Variants in NFAT5 observed in about 807,000 individuals in gnomAD.
NFAT5 encodes nuclear factor of activated T-cells 5.
In NFAT5, 31 loss-of-function variants were observed where a neutral mutation model predicts 166.5. The ratio of observed to expected loss-of-function variants is 0.19; its 90% CI spans 0.14 to 0.25. The LOEUF (loss-of-function observed/expected upper bound fraction) is 0.25. NFAT5 is among the 10% of genes least tolerant of loss of function. The pLI is 1.00. For missense variants in NFAT5, 1,449 were observed against 1,821.8 expected (o/e 0.80, Z 3.72); for synonymous variants, 612 against 639.7 (o/e 0.96, Z 0.65).
chr16:69,643,825 A>G (rs148926710), intron 3 of NFAT5, among the ~76,000 whole-genome samples: 1 of 152,286 alleles, frequency 6.6e-6, no homozygotes, highest in Non-Finnish European at 1.5e-5. Context: ...GATGAGAAAG[A>G]TATTGTCAGT....
At position 69,624,990 on chromosome 16, in the gene NFAT5, C is replaced by G. The variant is rs190078056; in HGVS notation, c.128-1413C>G. 6.1e-4 allele frequency among the ~76,000 whole-genome samples: 92 copies of G among 151,924 alleles called. No individual in the cohort carries two copies. In the East Asian group the frequency reaches 0.013, roughly 21 times the overall value. On this transcript the variant is annotated intron_variant, in intron 2 of 14. Transcript: ENST00000349945. ...TCTTGGCTCACTGCAGCCTCCATCT[C>G]CTGGGTTCAAGTGATTCTCCTGCTT...
chr16:69,662,617 G>C (rs1294024095), intron 7 of NFAT5, among the ~76,000 whole-genome samples: 1 of 151,738 alleles, frequency 6.6e-6, no homozygotes, highest in East Asian at 1.9e-4. Flanking sequence ...CCGCCACCAC[G>C]CCCGGCTAAT....
intron 2 of NFAT5, among the ~76,000 whole-genome samples, chr16:69,595,937 A>G (rs1159017444): frequency 1.3e-5 from 2 of 152,242 alleles, no homozygotes; most frequent in Non-Finnish European, 2.9e-5. Flanking sequence ...GGGATGATTC[A>G]TGTCCTGGAT....
At chr16:69,584,972 G>A (rs1292373179) in intron 2 of NFAT5, among the ~76,000 whole-genome samples, 2 of 151,926 alleles carry the variant, frequency 1.3e-5, no homozygotes, top group African/African-American at 2.4e-5. Context: ...GATGGCAAGT[G>A]CTGTCAAAAC....
chr16:69,676,569 A>G (rs74029403), intron 9 of NFAT5, among the ~76,000 whole-genome samples: 1 of 152,062 alleles, frequency 6.6e-6, no homozygotes, highest in African/African-American at 2.4e-5. Context: ...GTAAGGTACT[A>G]TTCTTTACAA....
chr16:69,648,176 C>CAA (rs758046361), intron 4 of NFAT5: 825 of 699,166 alleles, frequency 1.2e-3, no homozygotes, highest in Middle Eastern at 3.8e-3. Context: ...AACTCCATCT[C>CAA]AAAAAAAAAA....
At chr16:69,590,222 G>A (rs373520660) in intron 2 of NFAT5, among the ~76,000 whole-genome samples, 48 of 152,212 alleles carry the variant, frequency 3.2e-4, no homozygotes, top group African/African-American at 9.9e-4. Flanking sequence ...GTTGTGGGTC[G>A]TCTGAGTACA....
chr16:69,667,553 T>C (rs997047919), intron 7 of NFAT5, among the ~76,000 whole-genome samples: 2 of 151,260 alleles, frequency 1.3e-5, no homozygotes, highest in African/African-American at 4.9e-5. Flanking sequence ...AATACGAATA[T>C]GTAGAAGATA....
At chr16:69,650,606 G>A (rs2035624457) in intron 4 of NFAT5, among the ~76,000 whole-genome samples, 1 of 152,080 alleles carries the variant, frequency 6.6e-6, no homozygotes, top group Non-Finnish European at 1.5e-5. Context: ...ACTAGCATAA[G>A]TGAGTATAAA....
At chr16:69,668,156 T>C (rs549239281) in intron 7 of NFAT5, among the ~76,000 whole-genome samples, 19 of 152,090 alleles carry the variant, frequency 1.2e-4, no homozygotes, top group African/African-American at 4.3e-4. Flanking sequence ...TTAGTAAAGA[T>C]GGGGTTTCAC....
chr16:69,623,509 A>ATTG (rs1555523799), intron 2 of NFAT5, among the ~76,000 whole-genome samples: 1 of 150,236 alleles, frequency 6.7e-6, no homozygotes, highest in Admixed American at 6.7e-5. Flanking sequence ...TATTATTATT[A>ATTG]TTGTTATTTT....
intron 2 of NFAT5, among the ~76,000 whole-genome samples, chr16:69,582,131 G>A (rs1170339584): frequency 1.3e-5 from 2 of 152,014 alleles, no homozygotes; most frequent in African/African-American, 4.8e-5. Flanking sequence ...CAGGTGTGGT[G>A]GTGCATGCTT....
intron 11 of NFAT5, 105 bp from the exon 12 acceptor site, chr16:69,690,835 C>A (rs2037516762): frequency 3.1e-6 from 3 of 960,536 alleles, no homozygotes; most frequent in African/African-American, 1.7e-5. Flanking sequence ...ATTGTAGCAT[C>A]AAAAAAATAG....
rs769290760 is a variant in NFAT5 at position 69,704,088 on chromosome 16, TA to T, written c.*7743del. 3.9e-5 allele frequency: 6 copies of T among 152,594 alleles called. No individual in the cohort carries two copies. The highest frequency in any genetic ancestry group is 8.8e-5 in the Non-Finnish European group (6 of 68,034). 9.5% of individuals were successfully genotyped at this position (152,594 alleles called of 1,614,324 possible). ...CTTGGAATCAGACTTCTGTGTCCAG[TA>T]AAAAACTCCTGCACTGAAGTCATTG... On this transcript the variant is annotated 3_prime_UTR_variant, in exon 15 of 15. Transcript: ENST00000349945.
intron 9 of NFAT5, among the ~76,000 whole-genome samples, chr16:69,676,440 C>T (rs2036836503): frequency 6.6e-6 from 1 of 152,164 alleles, no homozygotes; most frequent in Non-Finnish European, 1.5e-5. Flanking sequence ...TAGCGAACTG[C>T]ATTGTGAAAT....
intron 3 of NFAT5, among the ~76,000 whole-genome samples, chr16:69,644,257 C>T (rs2035339561): frequency 6.6e-6 from 1 of 151,738 alleles, no homozygotes; most frequent in African/African-American, 2.4e-5. Context: ...TGCACTGTAG[C>T]CTGGGCAACA....
chr16:69,588,485 T>A (rs1413764125), intron 2 of NFAT5, among the ~76,000 whole-genome samples: 1 of 150,280 alleles, frequency 6.7e-6, no homozygotes, highest in Admixed American at 6.7e-5. Flanking sequence ...GCCAGAAAGA[T>A]AGCTACTGAG....
chr16:69,677,788 A>C (rs983613517), intron 10 of NFAT5, among the ~76,000 whole-genome samples: 4 of 152,188 alleles, frequency 2.6e-5, no homozygotes, highest in African/African-American at 9.6e-5. Flanking sequence ...ATGGTGAATA[A>C]ATATTTTTTT....
At chr16:69,587,457 C>T (rs181277037) in intron 2 of NFAT5, among the ~76,000 whole-genome samples, 6 of 151,238 alleles carry the variant, frequency 4.0e-5, no homozygotes, top group Admixed American at 1.3e-4. Flanking sequence ...GGTGTGATCT[C>T]GGCTTACTGT....
Sources: gnomAD v4.1 joint callset for allele counts (sites outside exome capture counted in the v4.1 genomes callset) on GRCh38, gnomAD v4.1.1 for gene constraint, MANE v1.5 for transcripts, NCBI Gene and HGNC (gene_info 2026-07-23, HGNC 2026-07-21) for gene names.